Variants in RABGAP1L observed in about 807,000 individuals in gnomAD.
RABGAP1L encodes the protein RAB GTPase activating protein 1 like.
In RABGAP1L, 63 loss-of-function variants were observed where a neutral mutation model predicts 137.7. The ratio of observed to expected loss-of-function variants is 0.46; its 90% confidence interval spans 0.37 to 0.56. The LOEUF is 0.56. Ranked by LOEUF, RABGAP1L falls within the 20% of genes least tolerant of loss-of-function variation. RABGAP1L has a pLI of 0.00. For synonymous variants in RABGAP1L, 431 were observed against 433.7 expected (o/e 0.99, Z 0.08); for missense variants, 1,095 against 1,244.0 (o/e 0.88, Z 1.80).
chr1:174,811,947 C>A lies in RABGAP1L; in HGVS notation c.2327C>A (p.Ala776Asp). ...AATGCAAGAAGACTGATGGAGCAGGCTTGCAATATTAAAGTAAGAACATGA... is the reference window on the plus strand; with the variant it reads ...AATGCAAGAAGACTGATGGAGCAGGATTGCAATATTAAAGTAAGAACATGA... ...EENARRLMEQ[A>D]CNIKVPTKKL... Residue 776 changes from alanine to aspartate, a missense_variant, in exon 19 of 26, where the codon GCT becomes GAT. By Grantham distance (126) the Ala-to-Asp change is moderately radical. Around this residue, in one of 4 missense-constraint regions of RABGAP1L, gnomAD observed 312 missense variants for 435.6 expected, o/e 0.72. Coordinates refer to ENST00000681986, the MANE Select transcript of RABGAP1L (RefSeq NM_001366446.1). 1 of 1,596,246 alleles carries A rather than the reference C, an allele frequency of 6.3e-7. No individual in the cohort carries two copies. The highest frequency in any genetic ancestry group is 1.2e-5 in the South Asian group (1 of 86,768).
chr1:174,571,374 A>G (rs922760256), intron 13 of RABGAP1L, among the ~76,000 whole-genome samples: 2 of 152,148 alleles, frequency 1.3e-5, no homozygotes, highest in Non-Finnish European at 2.9e-5. Context: ...CACAGACACT[A>G]TAGTCAATAA....
intron 15 of RABGAP1L, among the ~76,000 whole-genome samples, chr1:174,684,893 AC>A (rs951481177): frequency 2.6e-5 from 4 of 152,148 alleles, no homozygotes; most frequent in Non-Finnish European, 1.5e-5. Context: ...AAGTGGGAGG[AC>A]CACTTGAGCC....
chr1:174,231,320 C>T lies in RABGAP1L; in HGVS notation c.507C>T (p.Thr169=), dbSNP rs1045987779. Residue 169 remains threonine (T), a synonymous_variant, in exon 4 of 26, where the codon ACC becomes ACT. Transcript: ENST00000681986. ...KSSSQYPFPV[T]LYVPNVPEGS... ...CCAGTCAATACCCCTTTCCTGTTAC[C>T]CTGTATGTACCAAATGTTCCAGAAG... is the stretch of plus-strand genomic sequence containing the variant. The T allele has an allele frequency of 1.1e-5, 17 of 1,614,008 alleles. No individual in the cohort carries two copies. Among genetic ancestry groups the T allele is most frequent in the Non-Finnish European group, 1.4e-5 (16 of 1,180,000 alleles).
chr1:174,510,330 T>A (rs900543858), intron 13 of RABGAP1L, among the ~76,000 whole-genome samples: 28 of 152,188 alleles, frequency 1.8e-4, no homozygotes, highest in African/African-American at 6.5e-4. Flanking sequence ...TACTGTTTTA[T>A]CCGTAGCAAG....
At chr1:174,673,378 A>AT (rs1447534584) in intron 14 of RABGAP1L, among the ~76,000 whole-genome samples, 11 of 151,400 alleles carry the variant, frequency 7.3e-5, no homozygotes, top group South Asian at 2.1e-4. Context: ...CCATAATATG[A>AT]TTTTTTTTTA....
At chr1:174,824,314 T>G (rs1275679781) in intron 19 of RABGAP1L, among the ~76,000 whole-genome samples, 2 of 151,332 alleles carry the variant, frequency 1.3e-5, no homozygotes, top group African/African-American at 2.4e-5. Flanking sequence ...GATATAGATA[T>G]ATACATATCT....
At chr1:174,857,121 G>A (rs1056040903) in intron 19 of RABGAP1L, among the ~76,000 whole-genome samples, 2 of 152,146 alleles carry the variant, frequency 1.3e-5, no homozygotes, top group African/African-American at 2.4e-5. Context: ...GGGAAGTTCT[G>A]TCTGCCCACT....
At chr1:174,674,349 G>C (rs2148455453) in intron 14 of RABGAP1L, among the ~76,000 whole-genome samples, 1 of 146,482 alleles carries the variant, frequency 6.8e-6, no homozygotes, top group Admixed American at 7.1e-5. Flanking sequence ...TTGGTTTTTT[G>C]TCCTTGCGAT....
At chr1:174,749,888 T>A (rs1176250791) in intron 17 of RABGAP1L, among the ~76,000 whole-genome samples, 3 of 150,790 alleles carry the variant, frequency 2.0e-5, no homozygotes, top group Non-Finnish European at 4.4e-5. Flanking sequence ...TTTTATTTTA[T>A]TTTTTTTGAG....
intron 24 of RABGAP1L, among the ~76,000 whole-genome samples, chr1:174,985,291 G>A (rs1671493991): frequency 6.6e-6 from 1 of 152,212 alleles, no homozygotes; most frequent in South Asian, 2.1e-4. Context: ...TCCTCAGGAG[G>A]CTGAAGTGGG....
At chr1:174,742,174 A>G (rs1210693985) in intron 17 of RABGAP1L, among the ~76,000 whole-genome samples, 2 of 92,236 alleles carry the variant, frequency 2.2e-5, no homozygotes, top group Non-Finnish European at 3.6e-5. Flanking sequence ...AGGAGGAGGA[A>G]AGAAGAAGAA....
At chr1:174,590,432 G>T (rs1572425843) in intron 13 of RABGAP1L, among the ~76,000 whole-genome samples, 1 of 109,658 alleles carries the variant, frequency 9.1e-6, no homozygotes, top group African/African-American at 3.8e-5. Flanking sequence ...CATGTGCCAT[G>T]CTGGTGCGCT....
rs557301047 is a variant in RABGAP1L, at chr1:174,439,826, C to T, written c.1710+45681C>T. 1.9e-4 allele frequency among the ~76,000 whole-genome samples: 29 copies of T among 152,240 alleles called. 1 individual carries two copies. The highest frequency in any genetic ancestry group is 1.0e-3 in the Admixed American group (16 of 15,278). ...TCGACACCTATTCTGTGTCTAGCAC[C>T]GCAGTGTAGGCACTTGAAATGCAAT... On this transcript the variant is annotated intron_variant, in intron 13 of 25. Transcript: ENST00000681986.
chr1:174,974,833 C>T (rs1670508091), intron 21 of RABGAP1L, among the ~76,000 whole-genome samples: 1 of 152,146 alleles, frequency 6.6e-6, no homozygotes, highest in Non-Finnish European at 1.5e-5. Context: ...TGGCAGAAAA[C>T]AGACAGAAGG....
At chr1:174,900,615 C>G (rs779077792) in intron 19 of RABGAP1L, among the ~76,000 whole-genome samples, 25 of 150,084 alleles carry the variant, frequency 1.7e-4, no homozygotes, top group Admixed American at 9.9e-4. Context: ...TTCCCTGCCT[C>G]CAGGCCCTAT....
intron 13 of RABGAP1L, among the ~76,000 whole-genome samples, chr1:174,470,365 A>G (rs945033816): frequency 6.6e-6 from 1 of 152,228 alleles, no homozygotes; most frequent in Non-Finnish European, 1.5e-5. Context: ...TACCTTTTGT[A>G]TACAAAGGTG....
chr1:174,945,749 A>G (rs944104883), intron 19 of RABGAP1L: 1 of 152,224 alleles, frequency 6.6e-6, no homozygotes, highest in Non-Finnish European at 1.5e-5. Context: ...AGTATAGGAA[A>G]TAGAGAAGAA....
intron 13 of RABGAP1L, among the ~76,000 whole-genome samples, chr1:174,602,023 G>T (rs947562394): frequency 1.3e-5 from 2 of 152,094 alleles, no homozygotes; most frequent in Non-Finnish European, 2.9e-5. Flanking sequence ...ACAAGTCTCT[G>T]GGAAGTTCCA....
chr1:174,905,338 A>G (rs1475213314), intron 19 of RABGAP1L, among the ~76,000 whole-genome samples: 1 of 152,230 alleles, frequency 6.6e-6, no homozygotes, highest in Non-Finnish European at 1.5e-5. Context: ...TCAAAATGGC[A>G]ATTTTAAGGA....
Sources: allele counts gnomAD v4.1 joint callset (sites outside exome capture counted in the v4.1 genomes callset), GRCh38; gene constraint gnomAD v4.1.1; regional missense constraint gnomAD v4.1.1; transcripts MANE v1.5; gene names NCBI Gene and HGNC (gene_info 2026-07-23, HGNC 2026-07-21).